Variants in DNM3 observed in about 807,000 individuals in gnomAD.
DNM3 encodes the protein dynamin-3.
A neutral mutation model predicts 101.6 loss-of-function variants in DNM3; 47 were observed. The observed-to-expected ratio is 0.46, with a 90% CI of 0.37 to 0.59. The LOEUF (loss-of-function observed/expected upper bound fraction) is 0.59, where lower values mean the gene tolerates loss of function less well. DNM3 is among the 20% of genes least tolerant of loss of function. DNM3 has a pLI of 0.00. For missense variants in DNM3, 849 were observed against 1,085.7 expected (o/e 0.78, Z 3.06); for synonymous variants, 385 against 387.9 (o/e 0.99, Z 0.09).
At chr1:171,986,432 G>T (rs527277297) in intron 2 of DNM3, among the ~76,000 whole-genome samples, 31 of 152,144 alleles carry the variant, frequency 2.0e-4, no homozygotes, top group Non-Finnish European at 3.5e-4. Flanking sequence ...AGCATTGAAG[G>T]TGTATGTAAG....
intron 1 of DNM3, among the ~76,000 whole-genome samples, chr1:171,885,675 G>C (rs1558212923): frequency 6.6e-6 from 1 of 152,102 alleles, no homozygotes; most frequent in East Asian, 1.9e-4. Flanking sequence ...CCTAGAGCTT[G>C]AACCCTTCTA....
chr1:172,059,917 C>A (rs1226598971), intron 10 of DNM3, among the ~76,000 whole-genome samples: 1 of 127,028 alleles, frequency 7.9e-6, no homozygotes, highest in Non-Finnish European at 1.6e-5. Context: ...TCCCTGTTTG[C>A]AGACGACATG....
intron 1 of DNM3, among the ~76,000 whole-genome samples, chr1:171,847,117 T>C (rs2032234886): frequency 1.3e-5 from 2 of 152,096 alleles, no homozygotes; most frequent in African/African-American, 2.4e-5. Flanking sequence ...GGTAAGAATA[T>C]ACAAGAAAAT....
intron 16 of DNM3, 40 bp from the exon 17 acceptor site, chr1:172,323,289 A>G (rs755957946): frequency 6.4e-7 from 1 of 1,560,832 alleles, no homozygotes; most frequent in African/African-American, 1.4e-5. Context: ...ATTTCTGTTT[A>G]ACATATTTCT....
At position 172,314,591 on chromosome 1, in the gene DNM3, G is replaced by A. The variant is rs533026218; in HGVS notation, c.1881+5752G>A. 3.3e-5 allele frequency among the ~76,000 whole-genome samples: 5 copies of A among 152,314 alleles called. No individual in the cohort carries two copies. The East Asian group carries it at 5.8e-4, about 18-fold the overall frequency. On this transcript the variant is annotated intron_variant, in intron 16 of 20. Transcript: ENST00000627582. ...CGGTGCACCAGGAGAATTATATCCCGCACCTGGCTCAGAGGGTCCTACGCC... is the reference window on the plus strand; with the variant it reads ...CGGTGCACCAGGAGAATTATATCCCACACCTGGCTCAGAGGGTCCTACGCC...
chr1:172,225,901 T>C (rs1232374822), intron 14 of DNM3, among the ~76,000 whole-genome samples: 3 of 151,900 alleles, frequency 2.0e-5, no homozygotes, highest in Non-Finnish European at 4.4e-5. Flanking sequence ...ATGCTATTTG[T>C]GCCATTCTAC....
At chr1:172,265,180 T>C (rs981312301) in intron 15 of DNM3, among the ~76,000 whole-genome samples, 1 of 152,004 alleles carries the variant, frequency 6.6e-6, no homozygotes, top group African/African-American at 2.4e-5. Flanking sequence ...TTCCACTATA[T>C]AAACTTTAAA....
At chr1:172,026,343 A>T (rs2048199908) in intron 4 of DNM3, among the ~76,000 whole-genome samples, 1 of 152,206 alleles carries the variant, frequency 6.6e-6, no homozygotes, top group South Asian at 2.1e-4. Context: ...TGTGTACCTG[A>T]AAGTGATGGG....
intron 11 of DNM3, among the ~76,000 whole-genome samples, chr1:172,079,645 T>A (rs1456214140): frequency 2.0e-5 from 3 of 152,176 alleles, no homozygotes; most frequent in Non-Finnish European, 4.4e-5. Context: ...TCATTCTTTG[T>A]CCAATTTTGT....
intron 14 of DNM3, among the ~76,000 whole-genome samples, chr1:172,145,241 G>T (rs1336308458): frequency 6.6e-6 from 1 of 151,964 alleles, no homozygotes; most frequent in African/African-American, 2.4e-5. Context: ...AAACCTTTTT[G>T]AGCTTTCCTG....
intron 15 of DNM3, among the ~76,000 whole-genome samples, chr1:172,264,854 G>T (rs73030918): frequency 0.06 from 9,102 of 152,148 alleles, 853 homozygotes; most frequent in African/African-American, 0.2. Context: ...CTACAACCCA[G>T]GTCTAATATC....
intron 1 of DNM3, among the ~76,000 whole-genome samples, chr1:171,894,165 C>T (rs541954784): frequency 1.3e-5 from 2 of 151,722 alleles, no homozygotes; most frequent in South Asian, 4.2e-4. Context: ...ACCATGTTGG[C>T]CAGGCTGGTC....
chr1:172,407,791 C>T lies in DNM3; in HGVS notation c.2542C>T (p.Pro848Ser). The change falls in exon 21 of 21, where the codon CCA becomes TCA. Residue 848 changes from proline to serine, a missense_variant. Physicochemically the swap from Pro to Ser is moderately conservative, Grantham distance 74 (BLOSUM62 -1). Coordinates refer to ENST00000627582, the MANE Select transcript of DNM3 (RefSeq NM_015569.5). Reference protein sequence around the residue: ...SVPSRRPPPSPTRPTIIRPLE... With the variant: ...SVPSRRPPPSSTRPTIIRPLE... ...TTCTAGCCGGAGACCACCCCCATCA[C>T]CAACTCGTCCCACTATAATCCGCCC... 2 of 1,613,278 alleles carry T rather than the reference C, an allele frequency of 1.2e-6. No homozygotes were observed. The highest frequency in any genetic ancestry group is 1.7e-6 in the Non-Finnish European group (2 of 1,179,346).
At chr1:172,190,365 G>A (rs1379464613) in intron 14 of DNM3, among the ~76,000 whole-genome samples, 1 of 152,066 alleles carries the variant, frequency 6.6e-6, no homozygotes, top group Admixed American at 6.6e-5. Flanking sequence ...TGGCTGCATA[G>A]TATTCCATGG....
chr1:172,290,939 A>G (rs1004354714), intron 15 of DNM3, among the ~76,000 whole-genome samples: 3 of 152,042 alleles, frequency 2.0e-5, no homozygotes, highest in African/African-American at 4.8e-5. Flanking sequence ...GGCGGGTGTG[A>G]TATCACAGAA....
At chr1:171,917,215 A>G (rs927988520) in intron 1 of DNM3, among the ~76,000 whole-genome samples, 3 of 152,216 alleles carry the variant, frequency 2.0e-5, no homozygotes, top group Non-Finnish European at 4.4e-5. Context: ...TGTACAGATT[A>G]TCTGGTTAAC....
At chr1:172,418,307 G>T in exon 21 of DNM3, 1 of 1,289,234 alleles carries the variant, frequency 7.8e-7, no homozygotes, top group Middle Eastern at 2.1e-4. Context: ...GTTCCAGGAC[G>T]ACCATCCTAA....
chr1:172,314,691 C>T lies in DNM3; in HGVS notation c.1881+5852C>T, dbSNP rs1462428722. On this transcript the variant is annotated intron_variant, in intron 16 of 20. Coordinates refer to ENST00000627582, the MANE Select transcript of DNM3 (RefSeq NM_015569.5). The stretch of plus-strand genomic sequence containing the variant: ...GGTGGCAGCGAGGCTGAGGGAGGGG[C>T]GCCCGCCATTGCCCAGGCTTGCTTA... Among the ~76,000 whole-genome samples the T allele has an allele frequency of 3.3e-5, 5 of 152,256 alleles. No homozygotes were observed. The South Asian group carries it at 1.0e-3, about 32-fold the overall frequency.
At chr1:172,213,169 A>G (rs2060570792) in intron 14 of DNM3, among the ~76,000 whole-genome samples, 1 of 152,096 alleles carries the variant, frequency 6.6e-6, no homozygotes, top group African/African-American at 2.4e-5. Flanking sequence ...GTCCAGCACC[A>G]TCAGGTCCGG....
Sources: gnomAD v4.1 joint callset for allele counts (sites outside exome capture counted in the v4.1 genomes callset) on GRCh38, gnomAD v4.1.1 for gene constraint, MANE v1.5 for transcripts, NCBI Gene and HGNC (gene_info 2026-07-23, HGNC 2026-07-21) for gene names.